The following ITPRID1 variants were observed in gnomAD, a reference collection of about 807,000 sequenced individuals.
ITPRID1 encodes the protein ITPR interacting domain containing 1, also known as protein ITPRID1.
Under a neutral mutation model 95.4 loss-of-function variants are expected in ITPRID1, and 96 were observed. The observed-to-expected ratio is 1.01, with a 90% CI of 0.85 to 1.19. The LOEUF (loss-of-function observed/expected upper bound fraction) is 1.19. Ranked by LOEUF, ITPRID1 falls within the 50% of genes most tolerant of loss-of-function variation. The probability of loss-of-function intolerance (pLI) is 0.00; values close to 1 mark genes in which losing one functional copy is unlikely to be tolerated. For synonymous variants in ITPRID1, 510 were observed against 453.6 expected (o/e 1.12, Z -1.58); for missense variants, 1,339 against 1,252.9 (o/e 1.07, Z -1.04).
At chr7:31,589,678 G>A (rs1785778696) in intron 10 of ITPRID1, among the ~76,000 whole-genome samples, 2 of 152,098 alleles carry the variant, frequency 1.3e-5, no homozygotes, top group East Asian at 3.8e-4. Context: ...GAGACGAGAA[G>A]ACAGTAACTA....
rs952370868 is a variant in ITPRID1, at chr7:31,651,240, C to G, written c.2682C>G (p.Leu894=). The G allele has an allele frequency of 6.2e-7, 1 of 1,613,428 alleles. No individual in the cohort carries two copies. Among genetic ancestry groups the G allele is most frequent in the East Asian group, 2.2e-5 (1 of 44,886 alleles). Residue 894 remains leucine (L), a synonymous_variant, in exon 13 of 15, where the codon CTC becomes CTG. Coordinates refer to ENST00000615280, the MANE Select transcript of ITPRID1 (RefSeq NM_001257967.3). ...IEQHLMGQQA[L]FSRDMSEEER... ...AGCACCTTATGGGACAGCAGGCCCT[C>G]TTTTCCAGGGACATGTCAGAGGAGG...
chr7:31,553,114 G>T lies in ITPRID1; in HGVS notation c.90G>T (p.Ala30=), dbSNP rs771087429. 1.9e-6 allele frequency: 3 copies of T among 1,600,794 alleles called. No homozygotes were observed. The highest frequency in any genetic ancestry group is 2.6e-6 in the Non-Finnish European group (3 of 1,173,226). The change falls in exon 3 of 15, where the codon GCG becomes GCT. Residue 30 remains alanine (A), a synonymous_variant. Coordinates refer to ENST00000615280, the MANE Select transcript of ITPRID1 (RefSeq NM_001257967.3). ...AGATCCTGAAGTGCACCAAAAGCGC[G>T]TGGGCTCCGCTGGATGAGTGGCTGC... ...KREILKCTKS[A]WAPLDEWLPP... is the part of the protein sequence containing the mutation.
chr7:31,589,219 A>G (rs531383590), intron 10 of ITPRID1, among the ~76,000 whole-genome samples: 7 of 152,234 alleles, frequency 4.6e-5, no homozygotes, highest in Non-Finnish European at 8.8e-5. Context: ...CATCAGAAAC[A>G]ATGAAAGAAA....
intron 10 of ITPRID1, among the ~76,000 whole-genome samples, chr7:31,605,854 T>G (rs140332270): frequency 1.3e-5 from 2 of 152,250 alleles, no homozygotes; most frequent in African/African-American, 2.4e-5. Flanking sequence ...AGATTTTGAT[T>G]GGTTTCTTCT....
intron 12 of ITPRID1, among the ~76,000 whole-genome samples, chr7:31,647,383 C>T (rs1167901169): frequency 6.6e-6 from 1 of 151,964 alleles, no homozygotes; most frequent in Non-Finnish European, 1.5e-5. Context: ...AATGGGAGGC[C>T]AGGCATGGTG....
intron 1 of ITPRID1, among the ~76,000 whole-genome samples, chr7:31,526,542 G>A (rs2128128770): frequency 6.6e-6 from 1 of 152,286 alleles, no homozygotes; most frequent in Admixed American, 6.5e-5. Context: ...TTAACTGTGA[G>A]GCTTGGCACA....
chr7:31,524,999 A>G (rs1043852154), intron 1 of ITPRID1, among the ~76,000 whole-genome samples: 1 of 152,218 alleles, frequency 6.6e-6, no homozygotes, highest in African/African-American at 2.4e-5. Flanking sequence ...CTCTAGATCT[A>G]TGTATCCAAA....
intron 12 of ITPRID1, among the ~76,000 whole-genome samples, chr7:31,644,772 C>T (rs1790319407): frequency 6.6e-6 from 1 of 152,142 alleles, no homozygotes; most frequent in African/African-American, 2.4e-5. Context: ...AAAATTAAGA[C>T]TATTGCACAT....
rs763795462 is a variant in ITPRID1 at position 31,651,945 on chromosome 7, G to A, written c.2718G>A (p.Glu906=). The change falls in exon 14 of 15, where the codon GAG becomes GAA. Residue 906 remains glutamate (E), a synonymous_variant. Coordinates refer to ENST00000615280, the MANE Select transcript of ITPRID1 (RefSeq NM_001257967.3). Reference sequence around the variant, plus strand: ...TTCTATTATTTACTTGCAGGGAGGAGGCCGAGCAACTGCAAACGTTACGTG... The same window carrying A: ...TTCTATTATTTACTTGCAGGGAGGAAGCCGAGCAACTGCAAACGTTACGTG... ...SRDMSEEERE[E]AEQLQTLREA... 7 of 1,592,238 alleles carry A rather than the reference G, an allele frequency of 4.4e-6. No individual in the cohort carries two copies. Among genetic ancestry groups the A allele is most frequent in the Non-Finnish European group, 6.0e-6 (7 of 1,169,188 alleles).
intron 10 of ITPRID1, among the ~76,000 whole-genome samples, chr7:31,620,085 A>G (rs975684775): frequency 6.6e-6 from 1 of 152,212 alleles, no homozygotes; most frequent in Non-Finnish European, 1.5e-5. Context: ...AGGCTTGATT[A>G]GGTAAACAAA....
intron 10 of ITPRID1, among the ~76,000 whole-genome samples, chr7:31,600,008 T>C (rs1430790843): frequency 6.6e-6 from 1 of 152,174 alleles, no homozygotes; most frequent in Non-Finnish European, 1.5e-5. Flanking sequence ...AGTTATTTTC[T>C]ATATTTTCTA....
chr7:31,610,693 GTT>G (rs2128164466), intron 10 of ITPRID1, among the ~76,000 whole-genome samples: 1 of 151,438 alleles, frequency 6.6e-6, no homozygotes, highest in Admixed American at 6.6e-5. Flanking sequence ...ATTATAAAAT[GTT>G]TTTGTCTTTA....
At chr7:31,598,527 C>A (rs1235567924) in intron 10 of ITPRID1, among the ~76,000 whole-genome samples, 1 of 151,374 alleles carries the variant, frequency 6.6e-6, no homozygotes, top group East Asian at 1.9e-4. Flanking sequence ...CCTCAGCCTC[C>A]CGAGTAGCTG....
intron 10 of ITPRID1, among the ~76,000 whole-genome samples, chr7:31,601,324 G>A (rs1786384936): frequency 6.6e-6 from 1 of 152,104 alleles, no homozygotes; most frequent in African/African-American, 2.4e-5. Context: ...ATTAATTCAT[G>A]GAAACTTTCT....
At chr7:31,527,981 A>G (rs1783476799) in intron 1 of ITPRID1, among the ~76,000 whole-genome samples, 2 of 152,108 alleles carry the variant, frequency 1.3e-5, no homozygotes, top group Admixed American at 6.6e-5. Flanking sequence ...ATGGACCACT[A>G]TATATATAAC....
chr7:31,558,528 A>G (rs1253084763), intron 5 of ITPRID1, among the ~76,000 whole-genome samples: 2 of 152,174 alleles, frequency 1.3e-5, no homozygotes, highest in Non-Finnish European at 2.9e-5. Flanking sequence ...AAAAAGATAC[A>G]TAAAGTTGGT....
chr7:31,653,291 G>A lies in ITPRID1; in HGVS notation c.*462G>A, dbSNP rs1175367375. The A allele has an allele frequency of 6.2e-6, 1 of 160,518 alleles. No individual in the cohort carries two copies. 9.9% of individuals were successfully genotyped at this position (160,518 alleles called of 1,614,324 possible). On this transcript the variant is annotated 3_prime_UTR_variant, in exon 15 of 15. Transcript: ENST00000615280. ...TGGGGAAAGAGGTGTGGGTACATAG[G>A]AGGCAAACAGTTGCATTTTTTTGAG...
intron 1 of ITPRID1, chr7:31,529,591 C>A (rs1159578773): frequency 2.0e-5 from 11 of 556,350 alleles, no homozygotes; most frequent in Non-Finnish European, 3.2e-5. Context: ...TCTTTACCCT[C>A]AACTTGACCA....
Position 31,574,723 on chromosome 7 carries a change from T to C in ITPRID1, c.579T>C (p.Ile193=). The C allele has an allele frequency of 6.2e-7, 1 of 1,613,732 alleles. No individual in the cohort carries two copies. The highest frequency in any genetic ancestry group is 8.5e-7 in the Non-Finnish European group (1 of 1,179,780). ...AAGCTCAAAAGCAGCGAATGGACAT[T>C]GAGAACCCCAACTTGTACGGTAAGC... The part of the protein sequence containing the change: ...FLEAQKQRMD[I]ENPNLYGRFR... The change falls in exon 8 of 15, where the codon ATT becomes ATC. Residue 193 remains isoleucine, a synonymous_variant. Coordinates refer to ENST00000615280, the MANE Select transcript of ITPRID1 (RefSeq NM_001257967.3).
Sources: gnomAD v4.1 joint callset for allele counts (sites outside exome capture counted in the v4.1 genomes callset) on GRCh38, gnomAD v4.1.1 for gene constraint, MANE v1.5 for transcripts, NCBI Gene and HGNC (gene_info 2026-07-23, HGNC 2026-07-21) for gene names.